The following EYA1 variants were observed in gnomAD, a reference collection of about 807,000 sequenced individuals.
EYA1 encodes the protein protein phosphatase EYA1.
A neutral mutation model predicts 82.0 loss-of-function variants in EYA1; 16 were observed. The observed-to-expected ratio is 0.20, with a 90% CI of 0.13 to 0.30. EYA1 has a LOEUF of 0.30. Among genes scored for constraint, EYA1 ranks in the 10% least tolerant of loss-of-function variants. EYA1 has a pLI of 1.00. For synonymous variants in EYA1, 261 were observed against 264.4 expected, an observed-to-expected ratio of 0.99 and a Z score of 0.12; for missense variants, 633 against 730.7, an observed-to-expected ratio of 0.87 and a Z score of 1.54.
chr8:71,410,139 T>G (rs1398935023), intron 2 of EYA1, among the ~76,000 whole-genome samples: 1 of 150,682 alleles, frequency 6.6e-6, no homozygotes, highest in African/African-American at 2.4e-5. Context: ...ACATGATTAT[T>G]TCAATAGATG....
At chr8:71,391,873 C>T (rs1829298252) in intron 2 of EYA1, among the ~76,000 whole-genome samples, 1 of 152,140 alleles carries the variant, frequency 6.6e-6, no homozygotes. Context: ...GTTTGCCATT[C>T]TGAATATAGC....
At chr8:71,519,225 T>G (rs1813212230) in intron 2 of EYA1, among the ~76,000 whole-genome samples, 2 of 152,174 alleles carry the variant, frequency 1.3e-5, no homozygotes, top group African/African-American at 4.8e-5. Context: ...ATGTGACAGT[T>G]TACTTTAAAG....
chr8:71,407,922 A>G lies in EYA1; in HGVS notation c.34-51411T>C, dbSNP rs1586655934. On this transcript the variant is annotated intron_variant, in intron 2 of 18. Transcript: ENST00000643681. ...AGCAACTCCAAGACACGTAATTGTC[A>G]GATTCACCAAAGTTGAAATGAAGGA... Among the ~76,000 whole-genome samples the G allele has an allele frequency of 4.9e-5, 7 of 141,796 alleles. No individual in the cohort carries two copies. In the East Asian group the frequency reaches 1.4e-3, roughly 28 times the overall value. 93.0% of individuals were successfully genotyped at this position (141,796 alleles called of 152,430 possible).
intron 7 of EYA1, among the ~76,000 whole-genome samples, chr8:71,309,613 A>T (rs1331679032): frequency 6.6e-6 from 1 of 152,234 alleles, no homozygotes; most frequent in African/African-American, 2.4e-5. Context: ...TAATAAAAAA[A>T]TTTTAAAGCA....
At chr8:71,332,801 G>A (rs543496917) in intron 4 of EYA1, among the ~76,000 whole-genome samples, 4 of 152,146 alleles carry the variant, frequency 2.6e-5, no homozygotes, top group African/African-American at 9.6e-5. Flanking sequence ...CTCTCATACT[G>A]TACACACACC....
chr8:71,510,303 C>T (rs1414343405), intron 2 of EYA1, among the ~76,000 whole-genome samples: 1 of 152,162 alleles, frequency 6.6e-6, no homozygotes, highest in Non-Finnish European at 1.5e-5. Context: ...AGCCCTAAAG[C>T]AGCCAAACCA....
intron 3 of EYA1, among the ~76,000 whole-genome samples, chr8:71,348,544 C>T (rs1414388985): frequency 1.3e-5 from 2 of 152,224 alleles, no homozygotes; most frequent in African/African-American, 4.8e-5. Context: ...TAGTTATCAG[C>T]AAGCCTAGCT....
chr8:71,494,115 A>C (rs1811235461), intron 2 of EYA1, among the ~76,000 whole-genome samples: 1 of 151,682 alleles, frequency 6.6e-6, no homozygotes, highest in Non-Finnish European at 1.5e-5. Flanking sequence ...AATCCAGTTT[A>C]AACTTATTAG....
chr8:71,471,539 C>A (rs1478737857), intron 2 of EYA1, among the ~76,000 whole-genome samples: 1 of 152,038 alleles, frequency 6.6e-6, no homozygotes, highest in Non-Finnish European at 1.5e-5. Context: ...GGGAAAATAA[C>A]TGTTTTCTCA....
chr8:71,322,337 C>CCATT, intron 4 of EYA1, 69 bp from the exon 5 acceptor site: 1 of 1,343,844 alleles, frequency 7.4e-7, no homozygotes, highest in Non-Finnish European at 1.1e-6. Context: ...ATAGAAAGCA[C>CCATT]TGACATATTT....
chr8:71,271,941 C>G (rs375699510), intron 9 of EYA1, 44 bp from the exon 10 acceptor site: 60 of 1,610,700 alleles, frequency 3.7e-5, no homozygotes, highest in African/African-American at 2.4e-4. Flanking sequence ...TTTCCATCAC[C>G]ATGGTGCCAA....
chr8:71,538,347 A>C (rs1814874581), intron 1 of EYA1, among the ~76,000 whole-genome samples: 1 of 152,246 alleles, frequency 6.6e-6, no homozygotes, highest in Non-Finnish European at 1.5e-5. Flanking sequence ...CACATATGGC[A>C]CTAATTAAAT....
chr8:71,279,646 T>C (rs1817592675), intron 9 of EYA1, among the ~76,000 whole-genome samples: 1 of 152,196 alleles, frequency 6.6e-6, no homozygotes, highest in African/African-American at 2.4e-5. Flanking sequence ...GTGAGTGGGA[T>C]TGACCCTTAC....
intron 2 of EYA1, among the ~76,000 whole-genome samples, chr8:71,457,441 G>T (rs939318460): frequency 3.9e-5 from 6 of 152,122 alleles, no homozygotes; most frequent in African/African-American, 1.4e-4. Flanking sequence ...AAATCATGCT[G>T]CTATAAAGAC....
chr8:71,244,621 T>C lies in EYA1; in HGVS notation c.1122A>G (p.Leu374=), dbSNP rs1182484237. 6.2e-7 allele frequency: 1 copy of C among 1,600,546 alleles called. No homozygotes were observed. Among genetic ancestry groups the C allele is most frequent in the East Asian group, 2.2e-5 (1 of 44,646 alleles). ...EMIFNLADTH[L]FFNDLEECDQ... ...AACTTACTTCTAAGTCATTAAAAAA[T>C]AAATGTGTGTCTGCCAAGTTGAAAA... Residue 374 remains leucine, a synonymous_variant, in exon 12 of 18, where the codon TTA becomes TTG. Transcript: ENST00000340726.
At chr8:71,294,533 T>A (rs1819393096) in intron 9 of EYA1, among the ~76,000 whole-genome samples, 1 of 151,622 alleles carries the variant, frequency 6.6e-6, no homozygotes, top group Non-Finnish European at 1.5e-5. Flanking sequence ...GAGAAAGAGG[T>A]GTAACTCTAA....
rs1563593586 is a variant in EYA1 at position 71,417,168 on chromosome 8, G to GTCCC, written c.34-60658_34-60657insGGGA. ...TTCCTTGATCCTCAGCTTGCAGATG[G>GTCCC]CCTATTGTGGGACCTCACCTTGTGA... On this transcript the variant is annotated intron_variant, in intron 2 of 18. Coordinates refer to the EYA1 transcript ENST00000643681. Among the ~76,000 whole-genome samples the GTCCC allele has an allele frequency of 2.0e-5, 3 of 152,250 alleles. No individual in the cohort carries two copies. The East Asian group carries it at 5.8e-4, about 29-fold the overall frequency.
intron 12 of EYA1, among the ~76,000 whole-genome samples, chr8:71,237,187 G>A (rs1029151369): frequency 6.6e-6 from 1 of 152,050 alleles, no homozygotes; most frequent in Non-Finnish European, 1.5e-5. Context: ...GAGTAACTGG[G>A]ATTACAGGCT....
chr8:71,425,761 C>G (rs780170171), intron 2 of EYA1, among the ~76,000 whole-genome samples: 12 of 152,070 alleles, frequency 7.9e-5, no homozygotes, highest in Non-Finnish European at 1.6e-4. Context: ...AATCATGTCC[C>G]AGTATTCTAC....
Sources: gnomAD v4.1 joint callset for allele counts (sites outside exome capture counted in the v4.1 genomes callset) on GRCh38, gnomAD v4.1.1 for gene constraint, MANE v1.5 for transcripts, NCBI Gene and HGNC (gene_info 2026-07-23, HGNC 2026-07-21) for gene names.